GPHN: variants seen among roughly 807,000 people sequenced by gnomAD.
The protein encoded by GPHN is gephyrin.
In GPHN, 17 loss-of-function variants were observed where a neutral mutation model predicts 95.5. The observed-to-expected ratio is 0.18, with a 90% confidence interval of 0.12 to 0.27. GPHN has a LOEUF of 0.27. Among genes scored for constraint, GPHN ranks in the 10% least tolerant of loss-of-function variants. GPHN has a pLI of 1.00. For synonymous variants in GPHN, 320 were observed against 322.5 expected, an observed-to-expected ratio of 0.99 and a Z score of 0.08; for missense variants, 660 against 978.1, an observed-to-expected ratio of 0.67 and a Z score of 4.34.
At chr14:66,915,376 A>G (rs906441250) in intron 5 of GPHN, among the ~76,000 whole-genome samples, 1 of 152,150 alleles carries the variant, frequency 6.6e-6, no homozygotes, top group Non-Finnish European at 1.5e-5. Context: ...CCTTGACTCC[A>G]GTCTTCCACT....
At chr14:66,671,017 T>A (rs995005603) in intron 1 of GPHN, among the ~76,000 whole-genome samples, 4 of 152,182 alleles carry the variant, frequency 2.6e-5, no homozygotes, top group Non-Finnish European at 5.9e-5. Flanking sequence ...AATAACAGTT[T>A]AGAGTTTATG....
chr14:66,534,352 A>T (rs931532745), intron 1 of GPHN, among the ~76,000 whole-genome samples: 3 of 152,118 alleles, frequency 2.0e-5, no homozygotes, highest in Non-Finnish European at 4.4e-5. Context: ...ATCATAGATT[A>T]GTCTTTCCTG....
the GPHN span, chr14:67,729,151 A>C: frequency 5.4e-5 from 87 of 1,601,468 alleles, no homozygotes; most frequent in Non-Finnish European, 7.1e-5. Context: ...TCCTGGGCTC[A>C]GAGTGTGTCC....
At chr14:67,283,201 G>A in the GPHN span, among the ~76,000 whole-genome samples, 1 of 152,084 alleles carries the variant, frequency 6.6e-6, no homozygotes, top group Non-Finnish European at 1.5e-5. Flanking sequence ...GATGAATAAA[G>A]CTAAAGAACA....
intron 1 of GPHN, among the ~76,000 whole-genome samples, chr14:66,624,425 C>T (rs1164274970): frequency 2.6e-5 from 4 of 152,094 alleles, no homozygotes; most frequent in African/African-American, 9.7e-5. Flanking sequence ...TGGGTAAAGC[C>T]CTTGGGCTGA....
intron 1 of GPHN, among the ~76,000 whole-genome samples, chr14:66,513,723 C>G (rs1040077987): frequency 4.6e-5 from 7 of 151,774 alleles, no homozygotes; most frequent in African/African-American, 1.7e-4. Context: ...TCTAATCTCA[C>G]TTTCATTAAA....
chr14:67,597,269 G>A, the GPHN span, among the ~76,000 whole-genome samples: 1 of 152,232 alleles, frequency 6.6e-6, no homozygotes, highest in African/African-American at 2.4e-5. Flanking sequence ...CTTGAGGCCA[G>A]GAGTTCAAGA....
chr14:66,661,255 G>A (rs2065627889), intron 1 of GPHN, among the ~76,000 whole-genome samples: 1 of 152,164 alleles, frequency 6.6e-6, no homozygotes, highest in African/African-American at 2.4e-5. Flanking sequence ...TACCTACCTG[G>A]GACAAAACAG....
chr14:66,777,623 C>A (rs1251891360), intron 3 of GPHN, among the ~76,000 whole-genome samples: 1 of 152,150 alleles, frequency 6.6e-6, no homozygotes, highest in Non-Finnish European at 1.5e-5. Context: ...AGCTTATCCA[C>A]CACGATCAAG....
chr14:66,716,384 A>G lies in GPHN; in HGVS notation c.143+35199A>G, dbSNP rs1486572237. ...CTTTTCCAACCTTTTACTTCATGTGAGTCCTTAAGTGTTAGATGAGTCTCT... is the reference window on the plus strand; with the variant it reads ...CTTTTCCAACCTTTTACTTCATGTGGGTCCTTAAGTGTTAGATGAGTCTCT... On this transcript the variant is annotated intron_variant, in intron 2 of 22. Coordinates refer to ENST00000478722, the MANE Select transcript of GPHN (RefSeq NM_020806.5). 5.3e-5 allele frequency among the ~76,000 whole-genome samples: 8 copies of G among 152,026 alleles called. No homozygotes were observed. The East Asian group carries it at 1.5e-3, about 29-fold the overall frequency.
At chr14:67,724,758 C>T in the GPHN span, among the ~76,000 whole-genome samples, 2 of 152,156 alleles carry the variant, frequency 1.3e-5, no homozygotes, top group African/African-American at 4.8e-5. Flanking sequence ...TACACTGTGG[C>T]CTCCAATAAA....
the GPHN span, among the ~76,000 whole-genome samples, chr14:67,625,661 C>T: frequency 1.3e-4 from 15 of 112,020 alleles, no homozygotes; most frequent in East Asian, 2.9e-3. Flanking sequence ...GCCTGGGCAA[C>T]GAGAGCAAAA....
intron 1 of GPHN, among the ~76,000 whole-genome samples, chr14:66,510,844 G>C (rs2058014014): frequency 6.6e-6 from 1 of 151,990 alleles, no homozygotes; most frequent in Non-Finnish European, 1.5e-5. Context: ...TTAGAGAGAA[G>C]GTAACATTAA....
intron 8 of GPHN, among the ~76,000 whole-genome samples, chr14:66,955,831 T>A (rs542583028): frequency 1.3e-5 from 2 of 152,340 alleles, no homozygotes; most frequent in East Asian, 1.9e-4. Context: ...TGCAATAGTT[T>A]GCTGAGAATG....
intron 10 of GPHN, among the ~76,000 whole-genome samples, chr14:67,028,763 T>C (rs570638999): frequency 6.6e-6 from 1 of 152,316 alleles, no homozygotes; most frequent in East Asian, 1.9e-4. Flanking sequence ...GTTGTGGATA[T>C]TAGTCCCTTG....
chr14:67,571,999 C>G, the GPHN span: 4 of 1,492,686 alleles, frequency 2.7e-6, no homozygotes, highest in Non-Finnish European at 3.6e-6. Context: ...TTGATCTGAG[C>G]TCGTGACCCC....
At chr14:66,984,935 T>A (rs2070918645) in intron 9 of GPHN, among the ~76,000 whole-genome samples, 1 of 151,978 alleles carries the variant, frequency 6.6e-6, no homozygotes, top group Non-Finnish European at 1.5e-5. Flanking sequence ...AATAAAACAT[T>A]TTGTGTTGAG....
At chr14:67,009,148 TTATTTC>T (rs2072810805) in intron 9 of GPHN, among the ~76,000 whole-genome samples, 1 of 152,188 alleles carries the variant, frequency 6.6e-6, no homozygotes, top group Non-Finnish European at 1.5e-5. Context: ...ACCTGTCTCT[TTATTTC>T]TAGTTATTTC....
At chr14:67,406,651 C>T in the GPHN span, among the ~76,000 whole-genome samples, 2 of 152,118 alleles carry the variant, frequency 1.3e-5, no homozygotes, top group South Asian at 2.1e-4. Flanking sequence ...CCTATCACTC[C>T]GAACACAGCA....
Sources: gnomAD v4.1 joint callset for allele counts (sites outside exome capture counted in the v4.1 genomes callset) on GRCh38, gnomAD v4.1.1 for gene constraint, MANE v1.5 for transcripts, NCBI Gene and HGNC (gene_info 2026-07-23, HGNC 2026-07-21) for gene names.